TLR6: variants seen among roughly 807,000 people sequenced by gnomAD.
The protein encoded by TLR6 is toll like receptor 6.
TLR6 carries 9 observed loss-of-function variants against 16.1 expected under a neutral mutation model. That is an observed-to-expected ratio of 0.56 (90% CI 0.34 to 0.98). The LOEUF (loss-of-function observed/expected upper bound fraction) is 0.98, where lower values mean the gene tolerates loss of function less well. Among genes scored for constraint, TLR6 ranks in the 50% least tolerant of loss-of-function variants. TLR6 has a pLI of 0.02. For synonymous variants in TLR6, 340 were observed against 338.6 expected (o/e 1.00, Z -0.04); for missense variants, 786 against 921.0 (o/e 0.85, Z 1.90).
At chr4:38,825,262 C>T (rs1727492440) in exon 2 of TLR6, 1 of 152,190 alleles carries the variant, frequency 6.6e-6, no homozygotes, top group African/African-American at 2.4e-5. Flanking sequence ...CATTGCACCT[C>T]TATTTAAGGG....
chr4:38,827,639 G>A (rs1172661143), exon 2 of TLR6: 1 of 1,614,202 alleles, frequency 6.2e-7, no homozygotes, highest in Admixed American at 1.7e-5. Flanking sequence ...GAGATACCAG[G>A]GCAGATCCAA....
upstream of TLR6, among the ~76,000 whole-genome samples, chr4:38,861,194 T>C (rs1027592859): frequency 6.6e-6 from 1 of 152,010 alleles, no homozygotes; most frequent in Non-Finnish European, 1.5e-5. Context: ...TCAAGTATTC[T>C]AGCAGTACTC....
At chr4:38,852,604 T>A (rs1161855286) in intron 1 of TLR6, among the ~76,000 whole-genome samples, 1 of 152,110 alleles carries the variant, frequency 6.6e-6, no homozygotes, top group African/African-American at 2.4e-5. Flanking sequence ...AGAAGACATT[T>A]ATGCAGCCAA....
At chr4:38,828,350 G>A (rs774875438) in exon 2 of TLR6, 18 of 1,613,054 alleles carry the variant, frequency 1.1e-5, no homozygotes, top group African/African-American at 2.7e-5. Flanking sequence ...TTTAACTAAC[G>A]TGGAACATTT....
At chr4:38,829,129 T>C in exon 2 of TLR6, 1 of 1,614,126 alleles carries the variant, frequency 6.2e-7, no homozygotes, top group South Asian at 1.1e-5. Context: ...GATGGCAGGA[T>C]ATCTTTTGCA....
rs545643523 is a variant in TLR6 at position 38,851,415 on chromosome 4, G to C, written c.-65+5346C>G. 7.2e-5 allele frequency among the ~76,000 whole-genome samples: 11 copies of C among 152,182 alleles called. No homozygotes were observed. The East Asian group carries it at 1.3e-3, about 19-fold the overall frequency. ...AATCAGGCAAAAGAAAGAAATAAAG[G>C]GTATTCAATTAGGAAAAGAGGAAGT... is the stretch of plus-strand genomic sequence containing the variant. On this transcript the variant is annotated intron_variant, in intron 1 of 1. Coordinates refer to ENST00000436693, the Ensembl canonical transcript of TLR6.
At chr4:38,858,820 AGAGAGAGAG>A (rs1560274624), upstream of TLR6, among the ~76,000 whole-genome samples, 6 of 117,334 alleles carry the variant, frequency 5.1e-5, no homozygotes, top group African/African-American at 1.7e-4. Context: ...AGAGGGAGAG[AGAGAGAGAG>A]AGGAAGAAAG....
chr4:38,853,756 A>G (rs1414021401), intron 1 of TLR6, among the ~76,000 whole-genome samples: 2 of 152,224 alleles, frequency 1.3e-5, no homozygotes, highest in Non-Finnish European at 2.9e-5. Context: ...GGTACAAGCC[A>G]CTGCTCCTGG....
intron 1 of TLR6, among the ~76,000 whole-genome samples, chr4:38,835,218 A>G (rs529408293): frequency 9.8e-5 from 15 of 152,314 alleles, no homozygotes; most frequent in Non-Finnish European, 1.8e-4. Flanking sequence ...TATGCTGCCT[A>G]CAAGACATTC....
At chr4:38,846,016 C>T (rs1207924270) in intron 1 of TLR6, among the ~76,000 whole-genome samples, 6 of 148,308 alleles carry the variant, frequency 4.0e-5, no homozygotes, top group Admixed American at 2.1e-4. Context: ...CACTTGAACC[C>T]GGGAGGTGGA....
intron 1 of TLR6, chr4:38,843,615 G>A (rs1354991549): frequency 6.6e-6 from 1 of 152,210 alleles, no homozygotes; most frequent in African/African-American, 2.4e-5. Flanking sequence ...AAACAGGCAA[G>A]AGATGAGTAG....
intron 1 of TLR6, among the ~76,000 whole-genome samples, chr4:38,845,214 T>C (rs1712469101): frequency 6.6e-6 from 1 of 152,238 alleles, no homozygotes; most frequent in South Asian, 2.1e-4. Context: ...GATCGATTGA[T>C]AGATCCATAA....
the TLR6 span, among the ~76,000 whole-genome samples, chr4:38,862,817 G>A: frequency 2.1e-5 from 3 of 146,282 alleles, no homozygotes; most frequent in South Asian, 6.6e-4. Flanking sequence ...GGATGGTCTC[G>A]ATCTCCTGAC....
intron 1 of TLR6, among the ~76,000 whole-genome samples, chr4:38,832,455 C>A (rs960003059): frequency 2.0e-5 from 3 of 152,196 alleles, no homozygotes; most frequent in African/African-American, 7.2e-5. Flanking sequence ...ACTATGGACT[C>A]CTGTAATCCT....
chr4:38,833,395 C>A (rs1178114389), intron 1 of TLR6, among the ~76,000 whole-genome samples: 1 of 152,230 alleles, frequency 6.6e-6, no homozygotes, highest in East Asian at 1.9e-4. Context: ...TGTCTGCTGA[C>A]AACTGTAACC....
chr4:38,826,988 A>G (rs1478675632), exon 2 of TLR6: 1 of 997,294 alleles, frequency 1.0e-6, no homozygotes, highest in Non-Finnish European at 1.4e-6. Context: ...AGGCATGAGG[A>G]TAATGGAGGC....
intron 1 of TLR6, among the ~76,000 whole-genome samples, chr4:38,850,795 A>C (rs1560271909): frequency 6.6e-6 from 1 of 152,248 alleles, no homozygotes; most frequent in African/African-American, 2.4e-5. Flanking sequence ...GAATTCTACC[A>C]GAGGTACAAC....
intron 1 of TLR6, among the ~76,000 whole-genome samples, chr4:38,835,663 G>A (rs1244925198): frequency 1.3e-5 from 2 of 152,168 alleles, no homozygotes; most frequent in Non-Finnish European, 2.9e-5. Flanking sequence ...TAGCTGCAGA[G>A]TACACATTCT....
chr4:38,839,104 G>A (rs1230972822), intron 1 of TLR6, among the ~76,000 whole-genome samples: 3 of 112,070 alleles, frequency 2.7e-5, no homozygotes, highest in Non-Finnish European at 5.4e-5. Flanking sequence ...GGGAGGGAGG[G>A]GAGGCAAAGG....
Sources: allele counts gnomAD v4.1 joint callset (sites outside exome capture counted in the v4.1 genomes callset), GRCh38; gene constraint gnomAD v4.1.1; transcripts MANE v1.5; gene names NCBI Gene and HGNC (gene_info 2026-07-23, HGNC 2026-07-21).